The following EIF4G3 variants were observed in gnomAD, a reference collection of about 807,000 sequenced individuals.
The protein encoded by EIF4G3 is eukaryotic translation initiation factor 4 gamma 3.
In EIF4G3, 34 loss-of-function variants were observed where a neutral mutation model predicts 186.4. The observed-to-expected ratio is 0.18, with a 90% CI of 0.14 to 0.24. The LOEUF (loss-of-function observed/expected upper bound fraction) is 0.24, where lower values mean the gene tolerates loss of function less well. Among genes scored for constraint, EIF4G3 ranks in the 10% least tolerant of loss-of-function variants. The probability of loss-of-function intolerance (pLI) is 1.00; values close to 1 mark genes in which losing one functional copy is unlikely to be tolerated. For synonymous variants in EIF4G3, 673 were observed against 679.5 expected, an observed-to-expected ratio of 0.99 and a Z score of 0.15; for missense variants, 1,536 against 1,948.5, an observed-to-expected ratio of 0.79 and a Z score of 3.99.
rs1443146526 is a variant in EIF4G3 at position 20,807,037 on chromosome 1, T to C, written c.*282A>G. 1 of 212,910 alleles carries C rather than the reference T, an allele frequency of 4.7e-6. No homozygotes were observed. The highest frequency in any genetic ancestry group is 5.8e-5 in the Admixed American group (1 of 17,182). The allele number at this position is 212,910 out of a possible 1,614,324, so 13.2% of individuals were successfully genotyped here. Reference sequence around the variant, plus strand: ...TTTTTGCTAAACATTTTTTTAAGTATGAGTCCTTGTTTAAAAAGAAAAGAT... The same window carrying C: ...TTTTTGCTAAACATTTTTTTAAGTACGAGTCCTTGTTTAAAAAGAAAAGAT... On this transcript the variant is annotated 3_prime_UTR_variant, in exon 37 of 37. Coordinates refer to ENST00000602326, the MANE Select transcript of EIF4G3 (RefSeq NM_001391906.1).
intron 2 of EIF4G3, among the ~76,000 whole-genome samples, chr1:21,149,980 C>G (rs1320155389): frequency 2.0e-5 from 3 of 152,366 alleles, no homozygotes; most frequent in African/African-American, 2.4e-5. Flanking sequence ...TGGGTCCCCC[C>G]ACTAATGCTG....
chr1:20,915,858 T>TA (rs2093805851), intron 14 of EIF4G3, among the ~76,000 whole-genome samples: 1 of 152,174 alleles, frequency 6.6e-6, no homozygotes, highest in South Asian at 2.1e-4. Context: ...AGGTTCCAGC[T>TA]AGTGCAGTAA....
In EIF4G3 at chr1:21,107,015, A is replaced by T. The variant is rs146753209; in HGVS notation, c.-271-17802T>A. ...CTGTACTCTATACAATATATTGCTA[A>T]AATTTCTTTCAGCATTTAAAACAAA... On this transcript the variant is annotated intron_variant, in intron 2 of 36. Transcript: ENST00000602326. Among the ~76,000 whole-genome samples, 811 of 152,300 alleles carry T rather than the reference A, an allele frequency of 5.3e-3. 2 individuals are homozygous for T. The highest frequency in any genetic ancestry group is 0.01 in the Middle Eastern group (3 of 292).
At chr1:21,138,401 C>G in intron 2 of EIF4G3, among the ~76,000 whole-genome samples, 1 of 152,170 alleles carries the variant, frequency 6.6e-6, no homozygotes, top group East Asian at 1.9e-4. Context: ...AAAAAATGCA[C>G]AAGTTCACTC....
At chr1:20,961,398 T>C (rs1375217354) in intron 12 of EIF4G3, among the ~76,000 whole-genome samples, 2 of 152,182 alleles carry the variant, frequency 1.3e-5, no homozygotes, top group East Asian at 1.9e-4. Flanking sequence ...ATAATAATAA[T>C]AATTTTTATT....
chr1:20,917,063 G>T (rs965407561), intron 14 of EIF4G3, among the ~76,000 whole-genome samples: 4 of 152,004 alleles, frequency 2.6e-5, no homozygotes, highest in African/African-American at 9.7e-5. Flanking sequence ...AACTTTATTT[G>T]TAATAGCCCC....
intron 2 of EIF4G3, among the ~76,000 whole-genome samples, chr1:21,143,316 GA>G (rs1368350886): frequency 2.0e-5 from 3 of 150,678 alleles, no homozygotes; most frequent in African/African-American, 7.3e-5. Flanking sequence ...GAAAGAAAGA[GA>G]AAGGAGAGCA....
intron 7 of EIF4G3, among the ~76,000 whole-genome samples, chr1:20,993,474 C>A (rs1414009711): frequency 6.6e-6 from 1 of 152,116 alleles, no homozygotes; most frequent in Non-Finnish European, 1.5e-5. Context: ...TCCAAAAAGC[C>A]TACCTAAATA....
chr1:21,167,989 A>G (rs1448453084), intron 2 of EIF4G3: 1 of 466,478 alleles, frequency 2.1e-6, no homozygotes, highest in African/African-American at 2.0e-5. Context: ...TCCCCTTTGT[A>G]ATGTGCAGTC....
Position 20,904,867 on chromosome 1 carries a change from T to TA in EIF4G3, c.1752+15dup. On this transcript the variant is annotated intron_variant, in intron 15 of 36. Coordinates refer to ENST00000602326, the MANE Select transcript of EIF4G3 (RefSeq NM_001391906.1). ...GGCACCACTGCTCTGAATATGAACT[T>TA]AAGAGATTTGCTTACCTCCAATTCT... The TA allele has an allele frequency of 6.2e-7, 1 of 1,604,200 alleles. No homozygotes were observed. Among genetic ancestry groups the TA allele is most frequent in the South Asian group, 1.1e-5 (1 of 90,812 alleles).
At chr1:20,866,762 G>A (rs2077645553) in intron 20 of EIF4G3, among the ~76,000 whole-genome samples, 1 of 152,146 alleles carries the variant, frequency 6.6e-6, no homozygotes, top group South Asian at 2.1e-4. Context: ...CATGACATTA[G>A]ATTTTAGAAC....
chr1:21,067,814 T>C (rs1023931699), intron 3 of EIF4G3, among the ~76,000 whole-genome samples: 4 of 152,030 alleles, frequency 2.6e-5, no homozygotes, highest in Non-Finnish European at 5.9e-5. Flanking sequence ...TGAGAGTTAT[T>C]GAACTCTCTT....
At chr1:21,086,901 G>A (rs187141286) in intron 3 of EIF4G3, among the ~76,000 whole-genome samples, 104 of 150,086 alleles carry the variant, frequency 6.9e-4, no homozygotes, top group Non-Finnish European at 1.1e-3. Context: ...ATCGAGCCAC[G>A]GCACTCCAGC....
chr1:21,030,757 C>T (rs954879385), intron 4 of EIF4G3, among the ~76,000 whole-genome samples: 2 of 152,186 alleles, frequency 1.3e-5, no homozygotes. Context: ...TTTGCAGAAA[C>T]TATGTTTCAA....
chr1:21,019,831 C>G (rs2090231968), intron 4 of EIF4G3, among the ~76,000 whole-genome samples: 1 of 152,168 alleles, frequency 6.6e-6, no homozygotes, highest in Non-Finnish European at 1.5e-5. Context: ...TTGCAGTGAG[C>G]CGAGACTGCA....
intron 14 of EIF4G3, among the ~76,000 whole-genome samples, chr1:20,906,950 G>A (rs1369490789): frequency 2.0e-5 from 3 of 152,066 alleles, no homozygotes; most frequent in African/African-American, 4.8e-5. Context: ...GGGAGAAAAG[G>A]GAGTAGAAGG....
chr1:21,008,468 C>T (rs1222041569), intron 4 of EIF4G3, among the ~76,000 whole-genome samples: 1 of 152,096 alleles, frequency 6.6e-6, no homozygotes, highest in Non-Finnish European at 1.5e-5. Flanking sequence ...TCCCGAGTAG[C>T]TGGGATTACA....
At chr1:20,887,687 G>A (rs1000374817) in intron 18 of EIF4G3, among the ~76,000 whole-genome samples, 1 of 150,828 alleles carries the variant, frequency 6.6e-6, no homozygotes, top group African/African-American at 2.4e-5. Flanking sequence ...TAAACCCAGA[G>A]GTATGAGACA....
intron 33 of EIF4G3, among the ~76,000 whole-genome samples, chr1:20,818,758 G>T (rs2061624578): frequency 6.6e-6 from 1 of 152,094 alleles, no homozygotes; most frequent in Admixed American, 6.6e-5. Flanking sequence ...CCATAAAGAT[G>T]AAAATATTAA....
Sources: gnomAD v4.1 joint callset for allele counts (sites outside exome capture counted in the v4.1 genomes callset) on GRCh38, gnomAD v4.1.1 for gene constraint, MANE v1.5 for transcripts, NCBI Gene and HGNC (gene_info 2026-07-23, HGNC 2026-07-21) for gene names.